SLC22A8: variants seen among roughly 807,000 people sequenced by gnomAD.
SLC22A8 encodes solute carrier family 22 member 8, also known as organic anion transporter 3.
A neutral mutation model predicts 48.4 loss-of-function variants in SLC22A8; 40 were observed. That is an observed-to-expected ratio of 0.83 (90% CI 0.64 to 1.08). The LOEUF is 1.08. SLC22A8 is among the 50% of genes least tolerant of loss of function. SLC22A8 has a pLI of 0.00. For synonymous variants in SLC22A8, 268 were observed against 286.3 expected (o/e 0.94, Z 0.65); for missense variants, 606 against 699.0 (o/e 0.87, Z 1.50).
rs2086387740 is a variant in SLC22A8 at position 62,994,622 on chromosome 11, T to C, written c.1136A>G (p.Tyr379Cys). ...AKFITILSLSYLGRHTTQAAA... is the reference protein window; with the variant it reads ...AKFITILSLSCLGRHTTQAAA... ...GGCCTGAGTGGTATGCCGGCCCAGG[T>C]AGCTTAAGGAGAGGATGGTGATGAA... The change falls in exon 8 of 11, where the codon TAC becomes TGC. Residue 379 changes from tyrosine (Y) to cysteine (C), a missense_variant. Transcript: ENST00000336232. 6.2e-7 allele frequency: 1 copy of C among 1,614,048 alleles called. No individual in the cohort carries two copies.
Position 62,993,308 on chromosome 11 carries a change from C to T in SLC22A8, c.1558G>A (p.Glu520Lys), listed in dbSNP as rs2086365739. Residue 520 changes from glutamate (E) to lysine (K), a missense_variant, in exon 11 of 11, where the codon GAG becomes AAG. By Grantham distance (56) the Glu-to-Lys change is moderately conservative (BLOSUM62 1). Coordinates refer to ENST00000336232, the MANE Select transcript of SLC22A8 (RefSeq NM_004254.4). ...TGGGAGGCCTTTTCCACCTCTGGCT[C>T]CTGCTTTGGCTTCTTTGCCCGCAGG... The part of the protein sequence containing the change: ...WSLRAKKPKQ[E>K]PEVEKASQRI... 6.2e-7 allele frequency: 1 copy of T among 1,613,892 alleles called. No individual in the cohort carries two copies. The highest frequency in any genetic ancestry group is 8.5e-7 in the Non-Finnish European group (1 of 1,179,938).
chr11:62,994,490 C>A, intron 8 of SLC22A8, 52 bp downstream of exon 8: 1 of 1,433,496 alleles, frequency 7.0e-7, no homozygotes, highest in Non-Finnish European at 9.6e-7. Context: ...GTCCCTGGCA[C>A]CCAACCTGGC....
chr11:63,013,569 A>G (rs953753578), intron 2 of SLC22A8, among the ~76,000 whole-genome samples: 1 of 152,116 alleles, frequency 6.6e-6, no homozygotes, highest in African/African-American at 2.4e-5. Flanking sequence ...TGAATCCAAC[A>G]GTTTCTCCCT....
At chr11:62,995,575 G>A in intron 7 of SLC22A8, 129 bp downstream of exon 7, 2 of 682,774 alleles carry the variant, frequency 2.9e-6, no homozygotes, top group Non-Finnish European at 5.2e-6. Context: ...CTGGGCTGTG[G>A]TGGCCCAGGA....
At position 62,993,185 on chromosome 11, in the gene SLC22A8, T is replaced by G. The variant is rs796648405; in HGVS notation, c.*52A>C. Reference sequence around the variant, plus strand: ...ATGGGGCCTCCCTATACTCCTAAGGTGCCTGGCTAGGATCAGTCTCTGGAG... The same window carrying G: ...ATGGGGCCTCCCTATACTCCTAAGGGGCCTGGCTAGGATCAGTCTCTGGAG... On this transcript the variant is annotated 3_prime_UTR_variant, in exon 11 of 11. Transcript: ENST00000336232. The G allele has an allele frequency of 3.5e-6, 5 of 1,421,962 alleles. No individual in the cohort carries two copies. The African/African-American group carries it at 7.0e-5, about 20-fold the overall frequency. The allele number at this position is 1,421,962 out of a possible 1,614,324, so 88.1% of individuals were successfully genotyped here.
chr11:63,013,922 C>CCGAGGT, intron 2 of SLC22A8, among the ~76,000 whole-genome samples: 1 of 152,232 alleles, frequency 6.6e-6, no homozygotes, highest in East Asian at 1.9e-4. Flanking sequence ...CTGGATTTCC[C>CCGAGGT]CGAGGTGGCA....
At chr11:62,999,570 G>T in intron 4 of SLC22A8, 118 bp downstream of exon 4, 1 of 766,826 alleles carries the variant, frequency 1.3e-6, no homozygotes, top group Non-Finnish European at 2.0e-6. Context: ...CTGAGAGGGG[G>T]TGGCACCTTG....
chr11:63,006,597 T>TTTTTTTTTG (rs2086558247), intron 2 of SLC22A8, among the ~76,000 whole-genome samples: 1 of 77,324 alleles, frequency 1.3e-5, no homozygotes, highest in African/African-American at 8.7e-5. Flanking sequence ...TCATTTGAGT[T>TTTTTTTTTG]TTTTTTTTTT....
chr11:63,009,798 C>T (rs1034358925), intron 2 of SLC22A8, among the ~76,000 whole-genome samples: 1 of 152,194 alleles, frequency 6.6e-6, no homozygotes, highest in African/African-American at 2.4e-5. Context: ...CCCTCCAGCC[C>T]TCTTGCCCCC....
chr11:63,001,253 G>GTC (rs373495064), intron 2 of SLC22A8, among the ~76,000 whole-genome samples: 4 of 150,958 alleles, frequency 2.6e-5, no homozygotes, highest in Admixed American at 2.0e-4. Context: ...TGCAGATCCA[G>GTC]TCTCTCTCTC....
At chr11:62,999,565 A>G in intron 4 of SLC22A8, 123 bp downstream of exon 4, 1 of 716,086 alleles carries the variant, frequency 1.4e-6, no homozygotes, top group Non-Finnish European at 2.2e-6. Flanking sequence ...AGGTCCTGAG[A>G]GGGGGTGGCA....
At chr11:63,008,779 C>G (rs1048291108) in intron 2 of SLC22A8, among the ~76,000 whole-genome samples, 3 of 152,208 alleles carry the variant, frequency 2.0e-5, no homozygotes, top group African/African-American at 2.4e-5. Context: ...CCTCCCAACA[C>G]CCCCCGTCTT....
chr11:63,014,856 T>A lies in SLC22A8; in HGVS notation c.103A>T (p.Asn35Tyr). The A allele has an allele frequency of 6.2e-7, 1 of 1,611,746 alleles. No homozygotes were observed. The highest frequency in any genetic ancestry group is 2.2e-5 in the East Asian group (1 of 44,790). Residue 35 changes from asparagine (N) to tyrosine (Y), a missense_variant, in exon 2 of 11, where the codon AAC becomes TAC. Asn to Tyr is a moderately radical substitution (Grantham distance 143). Coordinates refer to ENST00000336232, the MANE Select transcript of SLC22A8 (RefSeq NM_004254.4). Reference protein sequence around the residue: ...GLPILNMANHNLLQIFTAATP... With the variant: ...GLPILNMANHYLLQIFTAATP... ...GCGGCTGTGAAGATCTGCAGCAGGT[T>A]GTGGTTGGCCATGTTGAGGATCGGG...
At position 62,993,221 on chromosome 11, in the gene SLC22A8, G is replaced by A; in HGVS notation, c.*16C>T. ...GATCAGTCTCTGGAGGGCAGGGAAA[G>A]GGGGTTCCGTTGTCCTCAGCTGGAG... On this transcript the variant is annotated 3_prime_UTR_variant, in exon 11 of 11. Transcript: ENST00000336232. The A allele has an allele frequency of 1.2e-6, 2 of 1,600,066 alleles. No individual in the cohort carries two copies. The highest frequency in any genetic ancestry group is 2.2e-5 in the East Asian group (1 of 44,788).
intron 2 of SLC22A8, among the ~76,000 whole-genome samples, chr11:63,007,850 C>T (rs1039149591): frequency 2.0e-5 from 3 of 152,194 alleles, no homozygotes; most frequent in Non-Finnish European, 4.4e-5. Flanking sequence ...ATTGTTATCT[C>T]TTTTTATAGA....
rs958529605 is a variant in SLC22A8 at position 62,999,738 on chromosome 11, A to G, written c.542T>C (p.Phe181Ser). The change falls in exon 4 of 11, where the codon TTC becomes TCC. Residue 181 changes from phenylalanine to serine, a missense_variant. Physicochemically the swap from Phe to Ser is radical, Grantham distance 155 (BLOSUM62 -2). Coordinates refer to ENST00000336232, the MANE Select transcript of SLC22A8 (RefSeq NM_004254.4). The part of the protein sequence containing the change: ...PTFPIYMVFR[F>S]LCGFGISGIT... The stretch of plus-strand genomic sequence containing the variant: ...GCCTGAGATGCCAAAGCCACACAGG[A>G]AGCGGAAGACCATGTAGATGGGGAA... The G allele has an allele frequency of 1.9e-6, 3 of 1,606,230 alleles. No individual in the cohort carries two copies. Among genetic ancestry groups the G allele is most frequent in the Admixed American group, 1.7e-5 (1 of 59,030 alleles).
chr11:62,997,402 T>C (rs1166234806), intron 5 of SLC22A8, among the ~76,000 whole-genome samples: 1 of 151,918 alleles, frequency 6.6e-6, no homozygotes, highest in Non-Finnish European at 1.5e-5. Context: ...TTTTTTGTGT[T>C]TTTAGTAGAG....
intron 2 of SLC22A8, among the ~76,000 whole-genome samples, chr11:63,008,159 A>G (rs2086577771): frequency 6.6e-6 from 1 of 152,168 alleles, no homozygotes; most frequent in African/African-American, 2.4e-5. Flanking sequence ...CATCATATCC[A>G]AAGTGTGAGC....
At position 62,993,345 on chromosome 11, in the gene SLC22A8, A is replaced by G; in HGVS notation, c.1530-9T>C. 6.2e-7 allele frequency: 1 copy of G among 1,613,952 alleles called. No individual in the cohort carries two copies. Among genetic ancestry groups the G allele is most frequent in the Non-Finnish European group, 8.5e-7 (1 of 1,179,842 alleles). ...TCTTTGCCCGCAGGGACCTAGGGAC[A>G]GAGAGCTAAGGAAAAGCCCTGGGCC... On this transcript the variant is annotated splice_polypyrimidine_tract_variant and intron_variant, in intron 10 of 10. Coordinates refer to ENST00000336232, the MANE Select transcript of SLC22A8 (RefSeq NM_004254.4).
Sources: gnomAD v4.1 joint callset for allele counts (sites outside exome capture counted in the v4.1 genomes callset) on GRCh38, gnomAD v4.1.1 for gene constraint, MANE v1.5 for transcripts, NCBI Gene and HGNC (gene_info 2026-07-23, HGNC 2026-07-21) for gene names.